Variants in ZNF626 observed in about 807,000 individuals in gnomAD.
ZNF626 encodes the protein CTC-513N18.7.
A neutral mutation model predicts 11.7 loss-of-function variants in ZNF626; 4 were observed. The observed-to-expected ratio is 0.34, with a 90% CI of 0.17 to 0.78. ZNF626 has a LOEUF of 0.78. Ranked by LOEUF, ZNF626 falls within the 30% of genes least tolerant of loss-of-function variation. ZNF626 has a pLI of 0.57. For missense variants in ZNF626, 588 were observed against 587.1 expected, an observed-to-expected ratio of 1.00 and a Z score of -0.01; for synonymous variants, 179 against 198.6, an observed-to-expected ratio of 0.90 and a Z score of 0.83.
chr19:20,632,371 C>G (rs1555770458), intron 3 of ZNF626, among the ~76,000 whole-genome samples: 1 of 152,172 alleles, frequency 6.6e-6, no homozygotes, highest in Non-Finnish European at 1.5e-5. Context: ...TGGATAATAT[C>G]CTGCAGAATG....
intron 3 of ZNF626, among the ~76,000 whole-genome samples, chr19:20,635,232 G>A (rs182423256): frequency 6.6e-6 from 1 of 152,266 alleles, no homozygotes. Flanking sequence ...TGGATGAATT[G>A]GTAGTTGTTT....
chr19:20,631,933 C>T (rs10414364), intron 3 of ZNF626, among the ~76,000 whole-genome samples: 67,553 of 150,900 alleles, frequency 0.45, 16,412 homozygotes, highest in African/African-American at 0.64. Context: ...GTACCGGTTG[C>T]TCCTTTCCAT....
chr19:20,620,219 G>C lies in ZNF626; in HGVS notation c.*4071C>G, dbSNP rs1434556053. 6.6e-6 allele frequency: 1 copy of C among 152,074 alleles called. No individual in the cohort carries two copies. The highest frequency in any genetic ancestry group is 1.5e-5 in the Non-Finnish European group (1 of 68,022). 9.4% of individuals were successfully genotyped at this position (152,074 alleles called of 1,614,324 possible). A position where few individuals can be genotyped will look rare whatever the true frequency, so the allele number is the denominator to read the frequency against. The stretch of plus-strand genomic sequence containing the variant: ...AATACACGGATTCTGGGGAGAATCC[G>C]AGCCATAAGCCATAAAATTTTATAT... On this transcript the variant is annotated 3_prime_UTR_variant, in exon 4 of 4. Coordinates refer to ENST00000601440, the MANE Select transcript of ZNF626 (RefSeq NM_001076675.3).
At position 20,645,650 on chromosome 19, in the gene ZNF626, G is replaced by A. The variant is rs1431794180; in HGVS notation, c.226+34C>T. The A allele has an allele frequency of 7.5e-6, 12 of 1,594,400 alleles. No homozygotes were observed. In the African/African-American group the frequency reaches 1.2e-4, roughly 16 times the overall value. The stretch of plus-strand genomic sequence containing the variant: ...TTTGACCTTGGGACCCCTTATCTGT[G>A]TCATCTGTTGTATTCATTTTCACTC... On this transcript the variant is annotated intron_variant, in intron 3 of 3. Transcript: ENST00000601440.
In ZNF626 at chr19:20,621,025, G is replaced by A. The variant is rs1273521605; in HGVS notation, c.*3265C>T. 1 of 152,346 alleles carries A rather than the reference G, an allele frequency of 6.6e-6. No homozygotes were observed. The highest frequency in any genetic ancestry group is 1.5e-5 in the Non-Finnish European group (1 of 68,218). The allele number at this position is 152,346 out of a possible 1,614,324, so 9.4% of individuals were successfully genotyped here. On this transcript the variant is annotated 3_prime_UTR_variant, in exon 4 of 4. Coordinates refer to ENST00000601440, the MANE Select transcript of ZNF626 (RefSeq NM_001076675.3). ...AGCTAATTTATTTTTAGTAGAGACA[G>A]GGTTTCAACGTGTTAGCCAGGATGG...
intron 3 of ZNF626, among the ~76,000 whole-genome samples, chr19:20,630,955 G>A (rs1289584809): frequency 1.3e-5 from 2 of 151,756 alleles, no homozygotes; most frequent in African/African-American, 4.8e-5. Context: ...ATGTGTCCCA[G>A]AGATTCTGGT....
chr19:20,645,589 A>G, intron 3 of ZNF626, 95 bp downstream of exon 3: 1 of 1,553,402 alleles, frequency 6.4e-7, no homozygotes, highest in East Asian at 2.3e-5. Context: ...TTTGGAACAC[A>G]GCTCCCCAAA....
chr19:20,641,444 A>G lies in ZNF626; in HGVS notation c.226+4240T>C, dbSNP rs142080655. 8.5e-5 allele frequency among the ~76,000 whole-genome samples: 13 copies of G among 152,298 alleles called. No homozygotes were observed. The East Asian group carries it at 2.5e-3, about 29-fold the overall frequency. ...AAGTAGTCAAAATCATAAAAATAGA[A>G]AGTGGAAATTTTGTCTGTCAAGGGC... On this transcript the variant is annotated intron_variant, in intron 3 of 3. Coordinates refer to ENST00000601440, the MANE Select transcript of ZNF626 (RefSeq NM_001076675.3).
intron 3 of ZNF626, among the ~76,000 whole-genome samples, chr19:20,635,408 C>T (rs1016018219): frequency 4.6e-5 from 7 of 152,180 alleles, no homozygotes; most frequent in Middle Eastern, 6.3e-3. Flanking sequence ...CTGCAACCTC[C>T]GCCTCCTGGG....
In ZNF626 at chr19:20,620,999, C is replaced by A. The variant is rs541747618; in HGVS notation, c.*3291G>T. On this transcript the variant is annotated 3_prime_UTR_variant, in exon 4 of 4. Transcript: ENST00000601440. ...GACTACAGGCGCCCACCACCACGCC[C>A]AGCTAATTTATTTTTAGTAGAGACA... The A allele has an allele frequency of 1.7e-3, 256 of 152,448 alleles. 1 individual carries two copies. Among genetic ancestry groups the A allele is most frequent in the Middle Eastern group, 3.4e-3 (1 of 296 alleles). The allele number at this position is 152,448 out of a possible 1,614,324, so 9.4% of individuals were successfully genotyped here. A position where few individuals can be genotyped will look rare whatever the true frequency, so the allele number is the denominator to read the frequency against.
At chr19:20,638,338 T>C (rs1190645627) in intron 3 of ZNF626, among the ~76,000 whole-genome samples, 1 of 151,452 alleles carries the variant, frequency 6.6e-6, no homozygotes, top group Non-Finnish European at 1.5e-5. Flanking sequence ...GGCAGGAGAA[T>C]TGCTTAAACC....
intron 3 of ZNF626, among the ~76,000 whole-genome samples, chr19:20,639,902 T>C (rs1970005066): frequency 6.6e-6 from 1 of 152,168 alleles, no homozygotes; most frequent in Non-Finnish European, 1.5e-5. Context: ...GTCAAAAAAT[T>C]TCATTTTTCA....
chr19:20,628,311 G>A (rs1390480034), intron 3 of ZNF626, among the ~76,000 whole-genome samples: 4 of 152,088 alleles, frequency 2.6e-5, no homozygotes, highest in African/African-American at 9.7e-5. Context: ...GGGATGGCTG[G>A]ATCAAATGGT....
chr19:20,638,963 A>G (rs180871443), intron 3 of ZNF626, among the ~76,000 whole-genome samples: 32 of 152,342 alleles, frequency 2.1e-4, no homozygotes, highest in African/African-American at 4.3e-4. Context: ...TACGTTATTT[A>G]TAACAAAAAG....
intron 3 of ZNF626, among the ~76,000 whole-genome samples, chr19:20,629,541 G>A (rs1452958123): frequency 6.6e-6 from 1 of 152,144 alleles, no homozygotes; most frequent in Non-Finnish European, 1.5e-5. Context: ...TCTCTTTGAT[G>A]CAATTGTGAA....
intron 3 of ZNF626, among the ~76,000 whole-genome samples, chr19:20,632,305 C>T (rs987758395): frequency 1.3e-5 from 2 of 152,096 alleles, no homozygotes; most frequent in South Asian, 2.1e-4. Context: ...TTGTGGCGTT[C>T]TCTGTATTTC....
chr19:20,653,886 C>G (rs1396073646), intron 1 of ZNF626, among the ~76,000 whole-genome samples: 1 of 152,070 alleles, frequency 6.6e-6, no homozygotes, highest in Non-Finnish European at 1.5e-5. Flanking sequence ...TGAAGAGCTA[C>G]TATAGTTTTT....
chr19:20,634,096 T>C (rs1398935324), intron 3 of ZNF626, among the ~76,000 whole-genome samples: 1 of 152,222 alleles, frequency 6.6e-6, no homozygotes, highest in Admixed American at 6.5e-5. Flanking sequence ...TGGGAACCTA[T>C]TACAAATTTG....
chr19:20,656,445 T>G (rs1464681185), intron 1 of ZNF626, among the ~76,000 whole-genome samples: 1 of 152,120 alleles, frequency 6.6e-6, no homozygotes, highest in Non-Finnish European at 1.5e-5. Flanking sequence ...AAATTGGACC[T>G]ATTTAAACTA....
Sources: allele counts gnomAD v4.1 joint callset (sites outside exome capture counted in the v4.1 genomes callset), GRCh38; gene constraint gnomAD v4.1.1; transcripts MANE v1.5; gene names NCBI Gene and HGNC (gene_info 2026-07-23, HGNC 2026-07-21).